The following NUP98 variants were observed in gnomAD, a reference collection of about 807,000 sequenced individuals.
The protein encoded by NUP98 is nucleoporin 98 and 96 precursor.
Under a neutral mutation model 191.9 loss-of-function variants are expected in NUP98, and 26 were observed. The ratio of observed to expected loss-of-function variants is 0.14; its 90% CI spans 0.10 to 0.19. The LOEUF is 0.19. NUP98 is among the 10% of genes least tolerant of loss of function. NUP98 has a pLI of 1.00. For missense variants in NUP98, 1,941 were observed against 2,178.8 expected, an observed-to-expected ratio of 0.89 and a Z score of 2.17; for synonymous variants, 808 against 778.4, an observed-to-expected ratio of 1.04 and a Z score of -0.63.
At chr11:3,712,445 C>T in intron 20 of NUP98, 119 bp downstream of exon 20, 3 of 1,496,686 alleles carry the variant, frequency 2.0e-6, no homozygotes, top group South Asian at 1.4e-5. Flanking sequence ...ACGTGATTGC[C>T]AATGTTTGTA....
chr11:3,774,368 T>C (rs2081635070), intron 5 of NUP98, among the ~76,000 whole-genome samples: 1 of 150,964 alleles, frequency 6.6e-6, no homozygotes, highest in South Asian at 2.1e-4. Flanking sequence ...GCCAAGACCG[T>C]GCCACTGCAC....
intron 13 of NUP98, among the ~76,000 whole-genome samples, chr11:3,732,513 C>T (rs1428825369): frequency 1.3e-5 from 2 of 152,140 alleles, no homozygotes; most frequent in African/African-American, 4.8e-5. Flanking sequence ...TATTCAACTT[C>T]TATGTAATGC....
At chr11:3,761,954 A>C (rs1384128250) in intron 9 of NUP98, among the ~76,000 whole-genome samples, 1 of 152,110 alleles carries the variant, frequency 6.6e-6, no homozygotes, top group African/African-American at 2.4e-5. Flanking sequence ...AAAAACAACA[A>C]CAACAACAAC....
At chr11:3,737,800 T>C (rs2080126076) in intron 12 of NUP98, among the ~76,000 whole-genome samples, 1 of 152,132 alleles carries the variant, frequency 6.6e-6, no homozygotes, top group South Asian at 2.1e-4. Context: ...CCAAGAGATG[T>C]CAATTTTAAG....
intron 10 of NUP98, chr11:3,760,088 CGAT>C (rs1431577003): frequency 6.4e-6 from 1 of 156,972 alleles, no homozygotes; most frequent in Non-Finnish European, 1.3e-5. Context: ...GAGGCTAAGG[CGAT>C]ATAAAGACCC....
intron 13 of NUP98, 110 bp downstream of exon 13, chr11:3,735,081 A>C: frequency 1.0e-6 from 1 of 960,268 alleles, no homozygotes; most frequent in Non-Finnish European, 1.4e-6. Context: ...AAAATTAATT[A>C]CACCTAGCTT....
At chr11:3,683,124 G>A in intron 30 of NUP98, 76 bp downstream of exon 30, 1 of 1,581,382 alleles carries the variant, frequency 6.3e-7, no homozygotes, top group Non-Finnish European at 8.6e-7. Flanking sequence ...CTTATTTCCA[G>A]TCTGACCCCA....
chr11:3,761,413 G>A (rs1277769247), intron 9 of NUP98, among the ~76,000 whole-genome samples: 1 of 152,066 alleles, frequency 6.6e-6, no homozygotes, highest in Non-Finnish European at 1.5e-5. Context: ...GATCCTTGAG[G>A]CCAGGAGTTA....
chr11:3,722,096 C>A (rs2079424574), intron 16 of NUP98, among the ~76,000 whole-genome samples: 1 of 149,482 alleles, frequency 6.7e-6, no homozygotes, highest in East Asian at 1.9e-4. Flanking sequence ...AGATTAAGCA[C>A]CTGGAATTCT....
chr11:3,737,696 G>C (rs535793516), intron 12 of NUP98, among the ~76,000 whole-genome samples: 5 of 152,016 alleles, frequency 3.3e-5, no homozygotes, highest in East Asian at 3.9e-4. Flanking sequence ...AGAGTCAAAG[G>C]TTTCTTAAAA....
chr11:3,773,733 T>C lies in NUP98; in HGVS notation c.502A>G (p.Thr168Ala), dbSNP rs150774282. The part of the protein sequence containing the change: ...TGTTIKFNPP[T>A]GTDTMVKAGV... ...GCTTTGACCATAGTATCTGTACCAG[T>C]TGGAGGCTGCAAAGTTAAATAAAGG... is the stretch of plus-strand genomic sequence containing the variant. The change falls in exon 6 of 33, where the codon ACT becomes GCT. Residue 168 changes from threonine (T) to alanine (A), a missense_variant. Physicochemically the swap from Thr to Ala is moderately conservative, Grantham distance 58. Around this residue, in one of 6 missense-constraint regions of NUP98, gnomAD observed 28 missense variants for 74.0 expected, o/e 0.38. Transcript: ENST00000324932. 1.1e-5 allele frequency: 18 copies of C among 1,609,728 alleles called. No homozygotes were observed. Among genetic ancestry groups the C allele is most frequent in the African/African-American group, 1.3e-5 (1 of 74,772 alleles).
At chr11:3,750,659 A>C (rs911025488) in intron 11 of NUP98, among the ~76,000 whole-genome samples, 2 of 151,796 alleles carry the variant, frequency 1.3e-5, no homozygotes, top group African/African-American at 4.8e-5. Context: ...ACAGCGTCTC[A>C]TTCTGTTACC....
Position 3,789,337 on chromosome 11 carries a change from A to T in NUP98, c.-28-7192T>A, listed in dbSNP as rs574917680. Among the ~76,000 whole-genome samples the T allele has an allele frequency of 1.8e-4, 28 of 152,332 alleles. 1 individual carries two copies. In the South Asian group the frequency reaches 5.8e-3, roughly 32 times the overall value. On this transcript the variant is annotated intron_variant, in intron 1 of 32. Coordinates refer to ENST00000324932, the MANE Select transcript of NUP98 (RefSeq NM_016320.5). ...CTTAAGTGTCATCCACTGATCACTC[A>T]GCACAAGCATAAAGCACCACTGCAA...
intron 1 of NUP98, among the ~76,000 whole-genome samples, chr11:3,790,056 T>C (rs1383131212): frequency 6.6e-6 from 1 of 152,198 alleles, no homozygotes; most frequent in Non-Finnish European, 1.5e-5. Context: ...GTGCTAGCAT[T>C]ACAGGCGTGA....
chr11:3,742,248 C>T (rs1037039475), intron 12 of NUP98, among the ~76,000 whole-genome samples: 5 of 152,136 alleles, frequency 3.3e-5, no homozygotes. Context: ...GAATCAGAAA[C>T]TCCAAGGGGA....
chr11:3,725,706 CAAAG>C (rs1395086446), intron 14 of NUP98, among the ~76,000 whole-genome samples: 1 of 152,000 alleles, frequency 6.6e-6, no homozygotes, highest in Admixed American at 6.5e-5. Flanking sequence ...TTGGTTTGCC[CAAAG>C]AGAGAGAATT....
intron 1 of NUP98, among the ~76,000 whole-genome samples, chr11:3,795,714 T>A (rs912506532): frequency 6.6e-6 from 1 of 152,118 alleles, no homozygotes; most frequent in African/African-American, 2.4e-5. Context: ...GTGCTATAAA[T>A]AGAAATATCA....
intron 12 of NUP98, among the ~76,000 whole-genome samples, chr11:3,738,107 A>AAAAAAAAAAAAAAACCCAAAAAAACC (rs1554894745): frequency 6.8e-6 from 1 of 147,570 alleles, no homozygotes; most frequent in Non-Finnish European, 1.5e-5. Context: ...AAAAAAAAAA[A>AAAAAAAAAAAAAAACCCAAAAAAACC]CCAAAGACTT....
Position 3,731,427 on chromosome 11 carries a change from T to A in NUP98, c.1694A>T (p.Asp565Val). 6.2e-7 allele frequency: 1 copy of A among 1,606,186 alleles called. No individual in the cohort carries two copies. The highest frequency in any genetic ancestry group is 1.1e-5 in the South Asian group (1 of 88,746). The change falls in exon 14 of 33, where the codon GAT becomes GTT. Residue 565 changes from aspartate to valine, a missense_variant. Asp to Val is a radical substitution (Grantham distance 152). Around this residue, in one of 6 missense-constraint regions of NUP98, gnomAD observed 453 missense variants for 438.2 expected, o/e 1.03. Transcript: ENST00000324932. ...TGCTCCATTGGCTAGGGATGGTTCA[T>A]CGTCATCCAGCCCATCAAAGAGATG... Reference protein sequence around the residue: ...KSHLFDGLDDDEPSLANGAFM... With the variant: ...KSHLFDGLDDVEPSLANGAFM...
Sources: gnomAD v4.1 joint callset for allele counts (sites outside exome capture counted in the v4.1 genomes callset) on GRCh38, gnomAD v4.1.1 for gene constraint, gnomAD v4.1.1 regional missense constraint, MANE v1.5 for transcripts, NCBI Gene and HGNC (gene_info 2026-07-23, HGNC 2026-07-21) for gene names.